MBNL2: variants seen among roughly 807,000 people sequenced by gnomAD.
The protein encoded by MBNL2 is muscleblind like splicing regulator 2.
Under a neutral mutation model 41.9 loss-of-function variants are expected in MBNL2, and 17 were observed. The observed-to-expected ratio is 0.41, with a 90% confidence interval of 0.28 to 0.61. MBNL2 has a LOEUF of 0.61. Among genes scored for constraint, MBNL2 ranks in the 20% least tolerant of loss-of-function variants. MBNL2 has a pLI of 0.35. For synonymous variants in MBNL2, 195 were observed against 182.9 expected (o/e 1.07, Z -0.53); for missense variants, 336 against 505.6 (o/e 0.66, Z 3.22).
intron 2 of MBNL2, among the ~76,000 whole-genome samples, chr13:97,281,803 G>A (rs185483575): frequency 3.9e-5 from 6 of 152,250 alleles, no homozygotes; most frequent in Middle Eastern, 6.8e-3. Flanking sequence ...ACTCTGTCAG[G>A]TAAACATGAT....
intron 2 of MBNL2, among the ~76,000 whole-genome samples, chr13:97,303,304 C>G (rs1191691143): frequency 6.6e-6 from 1 of 152,084 alleles, no homozygotes; most frequent in Admixed American, 6.6e-5. Flanking sequence ...AAATACCAGC[C>G]CCCAAGGAAA....
the MBNL2 span, among the ~76,000 whole-genome samples, chr13:97,177,396 G>T: frequency 6.6e-6 from 1 of 152,066 alleles, no homozygotes; most frequent in Non-Finnish European, 1.5e-5. Context: ...ACAATATGAT[G>T]CCATAAAAAT....
chr13:97,168,181 C>T, the MBNL2 span, among the ~76,000 whole-genome samples: 2 of 152,052 alleles, frequency 1.3e-5, no homozygotes, highest in East Asian at 1.9e-4. Context: ...TCAGGCTGGT[C>T]GTGAACTGCT....
intron 1 of MBNL2, among the ~76,000 whole-genome samples, chr13:97,232,195 G>T (rs1306433516): frequency 6.6e-6 from 1 of 152,044 alleles, no homozygotes; most frequent in African/African-American, 2.4e-5. Flanking sequence ...CATCCATCTC[G>T]TGCCCCTGTC....
At chr13:97,240,826 AAATG>A (rs1358733897) in intron 1 of MBNL2, among the ~76,000 whole-genome samples, 2 of 152,200 alleles carry the variant, frequency 1.3e-5, no homozygotes, top group African/African-American at 4.8e-5. Flanking sequence ...GCATGTGTGA[AAATG>A]AAGCACTTGA....
At chr13:97,199,953 A>G in the MBNL2 span, among the ~76,000 whole-genome samples, 2 of 152,246 alleles carry the variant, frequency 1.3e-5, no homozygotes, top group Admixed American at 6.5e-5. Context: ...CTCTGCACCT[A>G]TGTTGAGCCT....
intron 2 of MBNL2, among the ~76,000 whole-genome samples, chr13:97,293,530 A>C (rs900129393): frequency 6.6e-6 from 1 of 152,200 alleles, no homozygotes; most frequent in South Asian, 2.1e-4. Flanking sequence ...CAGCGTGCAG[A>C]TATTTATCCA....
chr13:97,248,125 T>C (rs1212045174), intron 1 of MBNL2, among the ~76,000 whole-genome samples: 2 of 152,204 alleles, frequency 1.3e-5, no homozygotes, highest in Admixed American at 6.5e-5. Context: ...TACACACACA[T>C]ATACACACAT....
intron 2 of MBNL2, among the ~76,000 whole-genome samples, chr13:97,290,682 C>CAAA (rs144219795): frequency 2.3e-4 from 27 of 114,928 alleles, no homozygotes; most frequent in African/African-American, 8.8e-4. Context: ...GACTCCGTCT[C>CAAA]AAAAAAAAAA....
intron 8 of MBNL2, among the ~76,000 whole-genome samples, chr13:97,379,842 A>G (rs1159628266): frequency 6.6e-6 from 1 of 152,216 alleles, no homozygotes; most frequent in African/African-American, 2.4e-5. Flanking sequence ...AACCAGGTGA[A>G]TGGAGTTAAT....
intron 1 of MBNL2, among the ~76,000 whole-genome samples, chr13:97,275,191 GAAGA>G (rs776441622): frequency 5.3e-5 from 8 of 152,228 alleles, no homozygotes; most frequent in African/African-American, 1.7e-4. Context: ...AGAACATAAA[GAAGA>G]AAGAGCCCAC....
chr13:97,175,588 A>G, the MBNL2 span, among the ~76,000 whole-genome samples: 1 of 152,184 alleles, frequency 6.6e-6, no homozygotes, highest in Non-Finnish European at 1.5e-5. Flanking sequence ...AGAAGTTAAT[A>G]TCCTTTGCTA....
chr13:97,218,227 G>A (rs2040534743), upstream of MBNL2, among the ~76,000 whole-genome samples: 1 of 151,840 alleles, frequency 6.6e-6, no homozygotes, highest in Non-Finnish European at 1.5e-5. Flanking sequence ...TGGATAGCAC[G>A]GTGAAATCCC....
chr13:97,206,375 C>G, the MBNL2 span, among the ~76,000 whole-genome samples: 1 of 151,812 alleles, frequency 6.6e-6, no homozygotes, highest in Non-Finnish European at 1.5e-5. Flanking sequence ...TCTCAGCTTT[C>G]CTTCAGCTTT....
chr13:97,212,465 C>A, the MBNL2 span, among the ~76,000 whole-genome samples: 1 of 152,148 alleles, frequency 6.6e-6, no homozygotes, highest in Non-Finnish European at 1.5e-5. Context: ...GGCCCAAATT[C>A]TCCTTTTCCT....
chr13:97,340,907 G>A (rs989680952), intron 3 of MBNL2, among the ~76,000 whole-genome samples: 2 of 152,250 alleles, frequency 1.3e-5, no homozygotes, highest in Admixed American at 1.3e-4. Flanking sequence ...TGGGAAATGA[G>A]TTTTGAGGTT....
At chr13:97,322,438 A>T (rs2059581770) in intron 2 of MBNL2, among the ~76,000 whole-genome samples, 1 of 152,074 alleles carries the variant, frequency 6.6e-6, no homozygotes, top group African/African-American at 2.4e-5. Context: ...CATTCAGCAC[A>T]CTCCTGGACT....
At chr13:97,308,372 C>A (rs139531386) in intron 2 of MBNL2, among the ~76,000 whole-genome samples, 26 of 152,304 alleles carry the variant, frequency 1.7e-4, no homozygotes, top group African/African-American at 6.0e-4. Context: ...GGAAGAATTT[C>A]AAACATTTGG....
intron 8 of MBNL2, among the ~76,000 whole-genome samples, chr13:97,377,924 C>T (rs1294862458): frequency 6.6e-6 from 1 of 152,152 alleles, no homozygotes; most frequent in Non-Finnish European, 1.5e-5. Flanking sequence ...AAGCGCCCTC[C>T]ATCTTTCCGC....
Sources: allele counts gnomAD v4.1 joint callset (sites outside exome capture counted in the v4.1 genomes callset), GRCh38; gene constraint gnomAD v4.1.1; transcripts MANE v1.5; gene names NCBI Gene and HGNC (gene_info 2026-07-23, HGNC 2026-07-21).